ABCD4: variants seen among roughly 807,000 people sequenced by gnomAD.
The protein encoded by ABCD4 is ATP binding cassette subfamily D member 4, also known as lysosomal cobalamin transporter ABCD4.
A neutral mutation model predicts 86.3 loss-of-function variants in ABCD4; 53 were observed. The ratio of observed to expected loss-of-function variants is 0.61; its 90% CI spans 0.49 to 0.77. The LOEUF (loss-of-function observed/expected upper bound fraction) is 0.77. Ranked by LOEUF, ABCD4 falls within the 30% of genes least tolerant of loss-of-function variation. ABCD4 has a pLI of 0.00. For synonymous variants in ABCD4, 328 were observed against 313.6 expected, an observed-to-expected ratio of 1.05 and a Z score of -0.49; for missense variants, 757 against 764.5, an observed-to-expected ratio of 0.99 and a Z score of 0.12.
At chr14:74,297,189 T>TA in intron 4 of ABCD4, 1 of 152,434 alleles carries the variant, frequency 6.6e-6, no homozygotes, top group East Asian at 1.9e-4. Flanking sequence ...TCCTCATCTG[T>TA]AAAATAACAA....
intron 1 of ABCD4, 84 bp downstream of exon 1, chr14:74,302,791 G>C (rs1043916798): frequency 2.3e-5 from 31 of 1,364,294 alleles, no homozygotes; most frequent in Non-Finnish European, 2.8e-5. Context: ...CAGGGCGGCG[G>C]ACGAGGCACG....
chr14:74,287,930 T>A (rs376034517), intron 16 of ABCD4, 44 bp from the exon 17 acceptor site: 1 of 1,549,138 alleles, frequency 6.5e-7, no homozygotes, highest in Non-Finnish European at 8.8e-7. Context: ...AGGAAGAATA[T>A]AGCTTGGCTT....
rs1435760575 is a variant in ABCD4, at chr14:74,290,323, CG to C, written c.1294del (p.Arg432GlyfsTer17). 1.7e-5 allele frequency: 28 copies of C among 1,614,048 alleles called. No individual in the cohort carries two copies. Among genetic ancestry groups the C allele is most frequent in the Non-Finnish European group, 2.0e-5 (24 of 1,180,050 alleles). On this transcript the variant is annotated frameshift_variant, in exon 12 of 19. Transcript: ENST00000356924. LOFTEE classifies it high-confidence loss of function. ...ACTCGTCCAGAGGCCACCCAGAACC[CG>C]GAGCAAGGAGGTCTTGCCAGTGCCC... Reference protein sequence around the residue: ...NTGTGKTSLLRVLGGLWTSTR... With the variant: ...NTGTGKTSLLXVLGGLWTSTR...
At chr14:74,300,343 C>T (rs1006160081) in intron 1 of ABCD4, 75 bp from the exon 2 acceptor site, 1 of 959,666 alleles carries the variant, frequency 1.0e-6, no homozygotes, top group Non-Finnish European at 1.7e-6. Context: ...TTAAGCTCAT[C>T]CACATTGTTC....
intron 3 of ABCD4, among the ~76,000 whole-genome samples, 181 bp from the exon 4 acceptor site, chr14:74,298,250 C>A (rs1199970127): frequency 6.6e-6 from 1 of 152,198 alleles, no homozygotes; most frequent in Non-Finnish European, 1.5e-5. Context: ...CTTCCTCACT[C>A]ACTCACGTGT....
At chr14:74,297,423 T>TA (rs1265688278) in intron 4 of ABCD4, 5 of 152,238 alleles carry the variant, frequency 3.3e-5, no homozygotes, top group African/African-American at 7.2e-5. Flanking sequence ...TAATTTTTTT[T>TA]ACTGATGAAA....
At chr14:74,299,935 T>A in intron 2 of ABCD4, 1 of 586,042 alleles carries the variant, frequency 1.7e-6, no homozygotes, top group Non-Finnish European at 3.0e-6. Flanking sequence ...TGGTGGTGGG[T>A]GCTTGTAATC....
chr14:74,299,431 G>A, intron 3 of ABCD4, 117 bp downstream of exon 3: 1 of 1,319,648 alleles, frequency 7.6e-7, no homozygotes, highest in Non-Finnish European at 1.1e-6. Context: ...CCCAGAAAAG[G>A]GAGGAAACAC....
At chr14:74,291,691 T>TGTA (rs1196233613) in intron 11 of ABCD4, among the ~76,000 whole-genome samples, 1 of 152,110 alleles carries the variant, frequency 6.6e-6, no homozygotes, top group Non-Finnish European at 1.5e-5. Flanking sequence ...GCAAGTTGAG[T>TGTA]GTAGGCCCTG....
In ABCD4 at chr14:74,295,199, C is replaced by G. The variant is rs2082535450; in HGVS notation, c.669-1G>C. ...CACCCGAATCTGCATGTGCTTGAAC[C>G]TGGGCGGACCAAAGGGAAATGTGTG... On this transcript the variant is annotated splice_acceptor_variant, in intron 6 of 18. Coordinates refer to ENST00000356924, the MANE Select transcript of ABCD4 (RefSeq NM_005050.4). LOFTEE classifies it high-confidence loss of function. 6.2e-7 allele frequency: 1 copy of G among 1,614,108 alleles called. No homozygotes were observed. Among genetic ancestry groups the G allele is most frequent in the South Asian group, 1.1e-5 (1 of 91,080 alleles).
At chr14:74,301,186 G>T (rs1386166750) in intron 1 of ABCD4, among the ~76,000 whole-genome samples, 2 of 134,970 alleles carry the variant, frequency 1.5e-5, no homozygotes, top group Non-Finnish European at 3.2e-5. Flanking sequence ...TTGAGACAAG[G>T]TCTTGCTCTG....
chr14:74,298,256 C>T (rs527579454), intron 3 of ABCD4, among the ~76,000 whole-genome samples, 187 bp from the exon 4 acceptor site: 7 of 152,286 alleles, frequency 4.6e-5, no homozygotes, highest in Admixed American at 6.5e-5. Context: ...CACTCACTCA[C>T]GTGTTCATTC....
Position 74,299,579 on chromosome 14 carries a change from A to C in ABCD4, c.254T>G (p.Leu85Arg), listed in dbSNP as rs1192167382. Reference protein sequence around the residue: ...DLEGFKTLTFLAVMLIVLNST... With the variant: ...DLEGFKTLTFRAVMLIVLNST... Reference sequence around the variant, plus strand: ...GTTCAGAACAATGAGCATGACAGCCAGGAATGTCAGAGTCTTAAACCCTTC... The same window carrying C: ...GTTCAGAACAATGAGCATGACAGCCCGGAATGTCAGAGTCTTAAACCCTTC... Residue 85 changes from leucine (L) to arginine (R), a missense_variant, in exon 3 of 19, where the codon CTG becomes CGG. Coordinates refer to ENST00000356924, the MANE Select transcript of ABCD4 (RefSeq NM_005050.4). The C allele has an allele frequency of 6.2e-7, 1 of 1,613,860 alleles. No individual in the cohort carries two copies. The highest frequency in any genetic ancestry group is 8.5e-7 in the Non-Finnish European group (1 of 1,179,900).
At chr14:74,294,965 C>G (rs892127090) in intron 7 of ABCD4, 183 bp downstream of exon 7, 1 of 671,282 alleles carries the variant, frequency 1.5e-6, no homozygotes, top group African/African-American at 1.8e-5. Context: ...GCTTCAGAAG[C>G]AAACCCCTGG....
At chr14:74,301,160 C>CTTTT (rs36088801) in intron 1 of ABCD4, among the ~76,000 whole-genome samples, 49 of 124,338 alleles carry the variant, frequency 3.9e-4, no homozygotes, top group African/African-American at 1.1e-3. Flanking sequence ...GGCCTAAAAT[C>CTTTT]TTTTTTTTTT....
chr14:74,289,060 C>T (rs557542079), intron 14 of ABCD4: 66 of 1,030,852 alleles, frequency 6.4e-5, no homozygotes, highest in Non-Finnish European at 7.1e-5. Flanking sequence ...TGCAGTGAGC[C>T]GAGATCACAC....
intron 1 of ABCD4, among the ~76,000 whole-genome samples, chr14:74,302,130 A>T (rs2084755060): frequency 6.6e-6 from 1 of 152,192 alleles, no homozygotes; most frequent in Non-Finnish European, 1.5e-5. Context: ...GGATACCCAG[A>T]GAAATGCAAC....
intron 17 of ABCD4, 52 bp downstream of exon 17, chr14:74,287,758 C>G: frequency 6.6e-7 from 1 of 1,521,590 alleles, no homozygotes; most frequent in Non-Finnish European, 9.0e-7. Flanking sequence ...TGCTGCTACA[C>G]CCGTGAGTGC....
At position 74,302,857 on chromosome 14, in the gene ABCD4, C is replaced by T. The variant is rs755384089; in HGVS notation, c.38+18G>A. 1.6e-5 allele frequency: 26 copies of T among 1,605,436 alleles called. No homozygotes were observed. The highest frequency in any genetic ancestry group is 2.1e-5 in the Non-Finnish European group (25 of 1,176,328). ...GGAACTCCTGCTCCCAAACCTCCTC[C>T]CCGACCGCCCTGCTTACCTGGCGCC... is the stretch of plus-strand genomic sequence containing the variant. On this transcript the variant is annotated intron_variant, in intron 1 of 18. Coordinates refer to ENST00000356924, the MANE Select transcript of ABCD4 (RefSeq NM_005050.4).
Sources: allele counts gnomAD v4.1 joint callset (sites outside exome capture counted in the v4.1 genomes callset), GRCh38; gene constraint gnomAD v4.1.1; transcripts MANE v1.5; gene names NCBI Gene and HGNC (gene_info 2026-07-23, HGNC 2026-07-21).